Variants in ZFX observed in about 807,000 individuals in gnomAD.
The protein encoded by ZFX is zinc finger protein X-linked.
For missense variants in ZFX, 362 were observed against 628.3 expected, an observed-to-expected ratio of 0.58 and a Z score of 4.53; for synonymous variants, 196 against 226.8, an observed-to-expected ratio of 0.86 and a Z score of 1.22.
At chrX:24,205,078 T>G (rs187663255) in intron 5 of ZFX, among the ~76,000 whole-genome samples, 47 of 112,200 alleles carry the variant, frequency 4.2e-4, no homozygotes, top group African/African-American at 1.5e-3. Flanking sequence ...AAAACAGATA[T>G]GTCTAGCAGA....
intron 5 of ZFX, among the ~76,000 whole-genome samples, chrX:24,196,558 C>T (rs1294136043): frequency 8.9e-6 from 1 of 112,255 alleles, no homozygotes; most frequent in Admixed American, 9.4e-5. Context: ...CTTTTTTCCC[C>T]TAGAAATTTT....
chrX:24,158,226 A>G (rs1021515018), intron 3 of ZFX, among the ~76,000 whole-genome samples: 2 of 110,163 alleles, frequency 1.8e-5, no homozygotes, highest in African/African-American at 3.3e-5. Context: ...ACAGCTTACA[A>G]TTGGTATCTT....
intron 4 of ZFX, among the ~76,000 whole-genome samples, chrX:24,174,317 A>C (rs1204170742): frequency 8.9e-6 from 1 of 111,881 alleles, no homozygotes; most frequent in African/African-American, 3.2e-5. Context: ...ATTGGACTGT[A>C]AATGATCAGA....
chrX:24,192,228 G>A (rs1484714301), intron 5 of ZFX, among the ~76,000 whole-genome samples: 1 of 111,756 alleles, frequency 8.9e-6, no homozygotes, highest in African/African-American at 3.3e-5. Context: ...GTAAGGAAAG[G>A]CCTGGTTTCC....
intron 9 of ZFX, among the ~76,000 whole-genome samples, chrX:24,209,637 G>A (rs900296387): frequency 9.0e-6 from 1 of 111,131 alleles, no homozygotes; most frequent in African/African-American, 3.3e-5. Flanking sequence ...GCAGTGGCGT[G>A]ATCTCAACTC....
At chrX:24,163,797 C>T (rs754187385) in intron 3 of ZFX, among the ~76,000 whole-genome samples, 180 of 92,801 alleles carry the variant, frequency 1.9e-3, no homozygotes, top group Middle Eastern at 0.014. Flanking sequence ...GCTGGGATTA[C>T]GGGTGTGAGC....
At chrX:24,154,040 C>T in intron 3 of ZFX, among the ~76,000 whole-genome samples, 1 of 111,457 alleles carries the variant, frequency 9.0e-6, no homozygotes, top group South Asian at 3.7e-4. Flanking sequence ...GTTATTTTTC[C>T]AGACAACATT....
intron 4 of ZFX, among the ~76,000 whole-genome samples, chrX:24,178,220 G>C: frequency 9.1e-6 from 1 of 110,476 alleles, no homozygotes. Flanking sequence ...GTGAGCCACT[G>C]CGCCCGGCCT....
At chrX:24,167,612 A>G (rs150639415) in intron 3 of ZFX, among the ~76,000 whole-genome samples, 101 of 112,321 alleles carry the variant, frequency 9.0e-4, no homozygotes, top group African/African-American at 2.8e-3. Flanking sequence ...AAAAGAAACT[A>G]TTAGAATTAA....
At chrX:24,187,988 A>G (rs1936262675) in intron 5 of ZFX, among the ~76,000 whole-genome samples, 1 of 111,093 alleles carries the variant, frequency 9.0e-6, no homozygotes, top group African/African-American at 3.3e-5. Flanking sequence ...CCTGACCAAC[A>G]TGGTGAAACC....
At chrX:24,209,476 A>G (rs1357840864) in intron 9 of ZFX, among the ~76,000 whole-genome samples, 2 of 112,624 alleles carry the variant, frequency 1.8e-5, no homozygotes, top group Non-Finnish European at 3.7e-5. Flanking sequence ...GGTATATTTA[A>G]ACTTTGCTGT....
chrX:24,162,736 A>G (rs1440948175), intron 3 of ZFX, among the ~76,000 whole-genome samples: 2 of 111,835 alleles, frequency 1.8e-5, no homozygotes, highest in Non-Finnish European at 3.8e-5. Flanking sequence ...ACCCTTTAAA[A>G]TGTACATTTC....
At chrX:24,158,915 A>G (rs1482946951) in intron 3 of ZFX, among the ~76,000 whole-genome samples, 4 of 109,235 alleles carry the variant, frequency 3.7e-5, no homozygotes, top group African/African-American at 6.7e-5. Context: ...TAGAGTTTCT[A>G]CTGTGAGCAG....
At chrX:24,203,872 A>G (rs1937468947) in intron 5 of ZFX, among the ~76,000 whole-genome samples, 1 of 111,997 alleles carries the variant, frequency 8.9e-6, no homozygotes. Flanking sequence ...TCATCCTCTC[A>G]TTTTCTGTAT....
At chrX:24,161,551 G>C (rs1015287948) in intron 3 of ZFX, among the ~76,000 whole-genome samples, 1 of 111,723 alleles carries the variant, frequency 9.0e-6, no homozygotes, top group African/African-American at 3.3e-5. Context: ...AGTGGCACAG[G>C]ATAGAGTCCA....
At chrX:24,187,614 A>G (rs928513631) in intron 5 of ZFX, among the ~76,000 whole-genome samples, 3 of 111,629 alleles carry the variant, frequency 2.7e-5, no homozygotes, top group Non-Finnish European at 3.8e-5. Flanking sequence ...TTTTTTTCAA[A>G]TTTGTATTTA....
At chrX:24,178,147 G>T (rs930963191) in intron 4 of ZFX, among the ~76,000 whole-genome samples, 20 of 110,465 alleles carry the variant, frequency 1.8e-4, no homozygotes, top group African/African-American at 5.9e-4. Flanking sequence ...AGCCAGGATG[G>T]TCTCAATCTC....
intron 3 of ZFX, among the ~76,000 whole-genome samples, chrX:24,156,487 T>C (rs1043734034): frequency 9.0e-6 from 1 of 111,296 alleles, no homozygotes; most frequent in African/African-American, 3.3e-5. Context: ...GAATCTAATA[T>C]CTTTTTCATG....
intron 5 of ZFX, among the ~76,000 whole-genome samples, chrX:24,198,173 G>C (rs1430914589): frequency 8.9e-6 from 1 of 111,807 alleles, no homozygotes; most frequent in Middle Eastern, 4.2e-3. Context: ...GTGTATTATA[G>C]GCAAAATATG....
Sources: gnomAD v4.1 joint callset for allele counts (sites outside exome capture counted in the v4.1 genomes callset) on GRCh38, gnomAD v4.1.1 for gene constraint, MANE v1.5 for transcripts, NCBI Gene and HGNC (gene_info 2026-07-23, HGNC 2026-07-21) for gene names.